Variants in NLGN4X observed in about 807,000 individuals in gnomAD.
NLGN4X encodes the protein neuroligin-4, X-linked.
A neutral mutation model predicts 40.3 loss-of-function variants in NLGN4X; 3 were observed. The ratio of observed to expected loss-of-function variants is 0.07; its 90% CI spans 0.03 to 0.19. The LOEUF (loss-of-function observed/expected upper bound fraction) is 0.19, where lower values mean the gene tolerates loss of function less well. Ranked by LOEUF, NLGN4X falls within the 10% of genes least tolerant of loss-of-function variation. The pLI is 1.00. For missense variants in NLGN4X, 382 were observed against 708.3 expected (o/e 0.54, Z 5.23); for synonymous variants, 270 against 306.8 (o/e 0.88, Z 1.25).
At chrX:6,110,926 C>T (rs1468848472) in intron 2 of NLGN4X, among the ~76,000 whole-genome samples, 3 of 111,473 alleles carry the variant, frequency 2.7e-5, no homozygotes, top group African/African-American at 9.8e-5. Flanking sequence ...TTAGAAGTGA[C>T]AGGTGCGTTA....
At chrX:5,949,014 C>A (rs1038318006) in intron 3 of NLGN4X, among the ~76,000 whole-genome samples, 1 of 111,423 alleles carries the variant, frequency 9.0e-6, no homozygotes, top group Non-Finnish European at 1.9e-5. Flanking sequence ...GAACACTTTG[C>A]AACATGAGAT....
intron 1 of NLGN4X, among the ~76,000 whole-genome samples, chrX:6,156,866 G>A (rs2040278826): frequency 9.1e-6 from 1 of 109,486 alleles, no homozygotes; most frequent in African/African-American, 3.3e-5. Flanking sequence ...AAAAAAAGTT[G>A]AAATTTTAAA....
rs1322970439 is a variant in NLGN4X at position 5,890,106 on chromosome X, G to C, written c.*2711C>G. The C allele has an allele frequency of 4.5e-6, 1 of 220,329 alleles. No individual in the cohort carries two copies. 18.2% of individuals were successfully genotyped at this position (220,329 alleles called of 1,213,427 possible). ...TGAAAAGTTTATACATATGTGTCCG[G>C]CCATATATATCTTCTATCATTACTT... On this transcript the variant is annotated 3_prime_UTR_variant, in exon 6 of 6. Transcript: ENST00000381095.
intron 3 of NLGN4X, among the ~76,000 whole-genome samples, chrX:5,959,288 C>A (rs1181665029): frequency 8.9e-6 from 1 of 112,235 alleles, no homozygotes; most frequent in East Asian, 2.8e-4. Flanking sequence ...GTTATGGGCA[C>A]TGGAGCAGGT....
intron 5 of NLGN4X, among the ~76,000 whole-genome samples, chrX:5,897,708 T>G (rs1032687105): frequency 2.7e-5 from 3 of 112,086 alleles, no homozygotes; most frequent in Non-Finnish European, 5.6e-5. Context: ...TTCAACATCC[T>G]TTCTTGATCA....
intron 3 of NLGN4X, among the ~76,000 whole-genome samples, chrX:5,973,809 C>T (rs1310710112): frequency 9.1e-6 from 1 of 109,457 alleles, no homozygotes; most frequent in Non-Finnish European, 1.9e-5. Flanking sequence ...GGTGACATAG[C>T]TAGACTCCCT....
intron 3 of NLGN4X, among the ~76,000 whole-genome samples, chrX:5,948,383 A>C (rs1485687371): frequency 8.9e-6 from 1 of 112,638 alleles, no homozygotes; most frequent in Admixed American, 9.4e-5. Flanking sequence ...ATTATACTAT[A>C]GTAAGATTAT....
Position 6,037,751 on chromosome X carries a change from C to CG in NLGN4X, c.473-8320dup, listed in dbSNP as rs888367991. 4.8e-4 allele frequency among the ~76,000 whole-genome samples: 6 copies of CG among 12,490 alleles called. No individual in the cohort carries two copies. The Admixed American group carries it at 5.0e-3, about 10-fold the overall frequency. 10.8% of individuals were successfully genotyped at this position (12,490 alleles called of 115,157 possible). ...TCCACACAGGGAAAGTTGCATACGG[C>CG]GGGGGGTGGGGGAGGGGCACGGAAA... On this transcript the variant is annotated intron_variant, in intron 2 of 5. Coordinates refer to ENST00000381095, the MANE Select transcript of NLGN4X (RefSeq NM_181332.3).
intron 3 of NLGN4X, among the ~76,000 whole-genome samples, chrX:5,954,320 A>G (rs904035147): frequency 1.9e-5 from 2 of 105,817 alleles, no homozygotes; most frequent in Non-Finnish European, 1.9e-5. Context: ...CAACTGCAGG[A>G]CTCAATGATC....
rs2036105315 is a variant in NLGN4X at position 6,006,498 on chromosome X, T to C, written c.625+22782A>G. ...TTTGGCATGTGGTTTAAAGAGTGAA[T>C]AATTTGGGCAGATGTTAAGAATACA... On this transcript the variant is annotated intron_variant, in intron 3 of 5. Transcript: ENST00000381095. 3.6e-5 allele frequency among the ~76,000 whole-genome samples: 4 copies of C among 111,347 alleles called. No homozygotes were observed. In the Admixed American group the frequency reaches 3.9e-4, roughly 11 times the overall value.
intron 2 of NLGN4X, among the ~76,000 whole-genome samples, chrX:6,136,918 G>C (rs1185702885): frequency 8.9e-6 from 1 of 112,194 alleles, no homozygotes; most frequent in Non-Finnish European, 1.9e-5. Flanking sequence ...TACTGAGAGA[G>C]GATTTTAGGA....
chrX:6,129,767 G>A (rs2039638785), intron 2 of NLGN4X, among the ~76,000 whole-genome samples: 1 of 106,433 alleles, frequency 9.4e-6, no homozygotes, highest in Non-Finnish European at 1.9e-5. Flanking sequence ...ATGTACCCAT[G>A]TGAAAGCCAG....
chrX:6,206,155 G>A lies in NLGN4X; in HGVS notation c.-306+22386C>T, dbSNP rs779171021. 1.9e-3 allele frequency among the ~76,000 whole-genome samples: 214 copies of A among 111,387 alleles called. 1 individual carries two copies. The highest frequency in any genetic ancestry group is 6.5e-3 in the African/African-American group (200 of 30,635). On this transcript the variant is annotated intron_variant, in intron 1 of 5. Coordinates refer to ENST00000381095, the MANE Select transcript of NLGN4X (RefSeq NM_181332.3). ...CCACTCCACAATGTGTTGATGCAGT[G>A]ACATGGAGCAGTGGAGTCTCTAAAA...
chrX:6,219,147 G>A (rs1925373635), intron 1 of NLGN4X, among the ~76,000 whole-genome samples: 1 of 87,193 alleles, frequency 1.1e-5, no homozygotes, highest in South Asian at 5.7e-4. Context: ...GTATATATAT[G>A]TATGTGTGTG....
At chrX:5,929,260 C>T (rs753382343) in intron 3 of NLGN4X, among the ~76,000 whole-genome samples, 6 of 110,917 alleles carry the variant, frequency 5.4e-5, no homozygotes, top group East Asian at 2.8e-4. Context: ...GTCAGGAGTT[C>T]GAGACCAGCC....
At chrX:6,016,839 A>T (rs1376945210) in intron 3 of NLGN4X, among the ~76,000 whole-genome samples, 1 of 111,872 alleles carries the variant, frequency 8.9e-6, no homozygotes, top group East Asian at 2.8e-4. Context: ...AGCCTCAAAA[A>T]CATTAAGGGA....
At chrX:6,120,173 G>A (rs1430852325) in intron 2 of NLGN4X, among the ~76,000 whole-genome samples, 2 of 110,628 alleles carry the variant, frequency 1.8e-5, no homozygotes, top group Admixed American at 1.9e-4. Context: ...TTTATAGCAA[G>A]CCCCTGCCGC....
intron 3 of NLGN4X, among the ~76,000 whole-genome samples, chrX:5,960,863 G>A (rs961121938): frequency 6.3e-5 from 7 of 111,266 alleles, no homozygotes; most frequent in Non-Finnish European, 1.1e-4. Flanking sequence ...GCAAGTTCGT[G>A]AATGTTATAC....
chrX:6,142,965 T>C (rs1017085484), intron 2 of NLGN4X, among the ~76,000 whole-genome samples: 2 of 112,148 alleles, frequency 1.8e-5, no homozygotes, highest in Non-Finnish European at 3.8e-5. Flanking sequence ...TTATTGGTCT[T>C]ACTTCTTAAG....
Sources: allele counts gnomAD v4.1 joint callset (sites outside exome capture counted in the v4.1 genomes callset), GRCh38; gene constraint gnomAD v4.1.1; transcripts MANE v1.5; gene names NCBI Gene and HGNC (gene_info 2026-07-23, HGNC 2026-07-21).